The following TRIM36 variants were observed in gnomAD, a reference collection of about 807,000 sequenced individuals.
TRIM36 encodes E3 ubiquitin-protein ligase TRIM36.
TRIM36 carries 42 observed loss-of-function variants against 72.4 expected under a neutral mutation model. That is an observed-to-expected ratio of 0.58 (90% confidence interval 0.45 to 0.75). The LOEUF is 0.75. Ranked by LOEUF, TRIM36 falls within the 30% of genes least tolerant of loss-of-function variation. The pLI is 0.00. For synonymous variants in TRIM36, 315 were observed against 282.8 expected (o/e 1.11, Z -1.14); for missense variants, 913 against 857.1 (o/e 1.07, Z -0.81).
intron 2 of TRIM36, among the ~76,000 whole-genome samples, chr5:115,161,676 C>A (rs528174380): frequency 1.1e-4 from 17 of 152,324 alleles, no homozygotes; most frequent in African/African-American, 4.1e-4. Flanking sequence ...CCCCCTTTAA[C>A]AAGGCATCCG....
upstream of TRIM36, among the ~76,000 whole-genome samples, chr5:115,174,906 T>C (rs561960710): frequency 6.6e-6 from 1 of 152,320 alleles, no homozygotes; most frequent in South Asian, 2.1e-4. Context: ...CATTTTTCCA[T>C]TAATGATGAG....
chr5:115,131,710 A>G (rs1333431892), intron 8 of TRIM36, among the ~76,000 whole-genome samples: 1 of 152,242 alleles, frequency 6.6e-6, no homozygotes, highest in African/African-American at 2.4e-5. Context: ...TACAACATGT[A>G]TGATACATGC....
intron 1 of TRIM36, among the ~76,000 whole-genome samples, chr5:115,176,688 G>A (rs967160474): frequency 1.3e-5 from 2 of 152,120 alleles, no homozygotes; most frequent in African/African-American, 4.8e-5. Context: ...CAGAAGCGGT[G>A]ATAAAAAAAT....
In TRIM36 at chr5:115,126,664, T is replaced by C. The variant is rs763369412; in HGVS notation, c.1990A>G (p.Lys664Glu). ...TGATCCATATCATAGAAATCTACTT[T>C]GCCTTTATCACAGTCAAGGAAAATC... ...IGIFLDCDKGKVDFYDMDQMK... is the reference protein window; with the variant it reads ...IGIFLDCDKGEVDFYDMDQMK... Residue 664 changes from lysine to glutamate, a missense_variant, in exon 10 of 10, where the codon AAA (lysine) becomes GAA (glutamate). Coordinates refer to ENST00000513154, the MANE Select transcript of TRIM36 (RefSeq NM_001300759.2). 1.2e-6 allele frequency: 2 copies of C among 1,614,082 alleles called. No homozygotes were observed. Among genetic ancestry groups the C allele is most frequent in the Non-Finnish European group, 1.7e-6 (2 of 1,180,034 alleles).
chr5:115,144,050 A>G (rs1241376567), intron 4 of TRIM36, among the ~76,000 whole-genome samples: 1 of 139,384 alleles, frequency 7.2e-6, no homozygotes, highest in Non-Finnish European at 1.6e-5. Context: ...TTTTTTTTGT[A>G]TTTTTAGTAG....
upstream of TRIM36, chr5:115,180,176 G>T: frequency 1.3e-6 from 1 of 783,630 alleles, no homozygotes; most frequent in Non-Finnish European, 2.0e-6. Context: ...GAGGGGAAGC[G>T]CCGGGGAAAG....
chr5:115,129,248 C>G (rs1752523703), intron 9 of TRIM36, among the ~76,000 whole-genome samples: 1 of 152,170 alleles, frequency 6.6e-6, no homozygotes, highest in Non-Finnish European at 1.5e-5. Flanking sequence ...ATTCCTGTTG[C>G]TAAGCTAATA....
At chr5:115,129,134 A>T (rs1752517191) in intron 9 of TRIM36, among the ~76,000 whole-genome samples, 1 of 152,254 alleles carries the variant, frequency 6.6e-6, no homozygotes, top group Non-Finnish European at 1.5e-5. Flanking sequence ...ACTGTTCCAC[A>T]TACCCTAAGG....
intron 9 of TRIM36, among the ~76,000 whole-genome samples, chr5:115,130,181 T>C (rs1752600237): frequency 1.3e-5 from 2 of 152,200 alleles, no homozygotes; most frequent in African/African-American, 2.4e-5. Context: ...ATGTCTACCA[T>C]GACCCAATTT....
intron 8 of TRIM36, among the ~76,000 whole-genome samples, chr5:115,131,353 T>G (rs1164362907): frequency 1.3e-5 from 2 of 152,148 alleles, no homozygotes; most frequent in African/African-American, 4.8e-5. Flanking sequence ...ATGGCAGACA[T>G]AAGAAACATG....
intron 4 of TRIM36, among the ~76,000 whole-genome samples, chr5:115,141,962 T>A (rs1753301090): frequency 6.6e-6 from 1 of 152,162 alleles, no homozygotes; most frequent in South Asian, 2.1e-4. Context: ...ATAAGTATAG[T>A]TTCTTTCCCA....
At chr5:115,138,816 A>T (rs572952777) in intron 5 of TRIM36, among the ~76,000 whole-genome samples, 2 of 152,180 alleles carry the variant, frequency 1.3e-5, no homozygotes, top group Admixed American at 1.3e-4. Flanking sequence ...AAAGTCTTCA[A>T]GAACATTCTT....
chr5:115,167,361 A>C (rs1237789322), intron 1 of TRIM36, among the ~76,000 whole-genome samples: 2 of 152,144 alleles, frequency 1.3e-5, no homozygotes, highest in Admixed American at 6.5e-5. Context: ...TTAACATTTG[A>C]GTCTTTTTTA....
rs1044076919 is a variant in TRIM36 at position 115,161,113 on chromosome 5, G to C, written c.262+2405C>G. On this transcript the variant is annotated intron_variant, in intron 2 of 9. Coordinates refer to ENST00000513154, the MANE Select transcript of TRIM36 (RefSeq NM_001300759.2). ...TGCTCTCTCTTTGTTAACTTGATCT[G>C]TGTGTGTTCGTGATAAAGGACTATG... is the stretch of plus-strand genomic sequence containing the variant. 3.9e-5 allele frequency among the ~76,000 whole-genome samples: 6 copies of C among 151,980 alleles called. No homozygotes were observed. In the South Asian group the frequency reaches 6.2e-4, roughly 16 times the overall value.
At chr5:115,179,027 A>T (rs1193196313) in intron 1 of TRIM36, among the ~76,000 whole-genome samples, 1 of 152,194 alleles carries the variant, frequency 6.6e-6, no homozygotes, top group South Asian at 2.1e-4. Context: ...AACCGCGCAC[A>T]GGGAGTCGAG....
intron 7 of TRIM36, among the ~76,000 whole-genome samples, chr5:115,135,531 G>A (rs576463670): frequency 1.3e-4 from 20 of 150,484 alleles, no homozygotes; most frequent in African/African-American, 4.6e-4. Flanking sequence ...CCATCAGCCA[G>A]AAGCTAGGTG....
At chr5:115,159,812 G>A (rs1244077865) in intron 2 of TRIM36, 19 of 371,616 alleles carry the variant, frequency 5.1e-5, no homozygotes, top group South Asian at 3.6e-4. Flanking sequence ...GTTTTTCCTG[G>A]TACACATAGT....
chr5:115,144,096 G>C (rs1413900321), intron 4 of TRIM36, among the ~76,000 whole-genome samples: 2 of 151,710 alleles, frequency 1.3e-5, no homozygotes, highest in Non-Finnish European at 2.9e-5. Flanking sequence ...GGATGGTCTC[G>C]ATCTCCTGAC....
In TRIM36 at chr5:115,141,293, T is replaced by C; in HGVS notation, c.817A>G (p.Met273Val). ...TTATCACTTACCTCTGTTTCTTTCA[T>C]TAACAAGTTTAGTTCAGATATTTGA... ...KSQISELNLLMKETECNGERA... is the reference protein window; with the variant it reads ...KSQISELNLLVKETECNGERA... The change falls in exon 5 of 10, where the codon ATG becomes GTG. Residue 273 changes from methionine (M) to valine (V), a missense_variant. Met to Val is a conservative substitution (Grantham distance 21, BLOSUM62 1). Coordinates refer to ENST00000513154, the MANE Select transcript of TRIM36 (RefSeq NM_001300759.2). 1 of 1,599,372 alleles carries C rather than the reference T, an allele frequency of 6.3e-7. No individual in the cohort carries two copies. The highest frequency in any genetic ancestry group is 8.5e-7 in the Non-Finnish European group (1 of 1,175,436).
Sources: allele counts gnomAD v4.1 joint callset (sites outside exome capture counted in the v4.1 genomes callset), GRCh38; gene constraint gnomAD v4.1.1; transcripts MANE v1.5; gene names NCBI Gene and HGNC (gene_info 2026-07-23, HGNC 2026-07-21).